RAD51B: variants seen among roughly 807,000 people sequenced by gnomAD.
RAD51B encodes the protein DNA repair protein RAD51 homolog 2.
In RAD51B, 38 loss-of-function variants were observed where a neutral mutation model predicts 42.2. The observed-to-expected ratio is 0.90, with a 90% CI of 0.70 to 1.18. The LOEUF (loss-of-function observed/expected upper bound fraction) is 1.18. Ranked by LOEUF, RAD51B falls within the 50% of genes most tolerant of loss-of-function variation. The probability of loss-of-function intolerance (pLI) is 0.00; values close to 1 mark genes in which losing one functional copy is unlikely to be tolerated. For missense variants in RAD51B, 373 were observed against 400.7 expected (o/e 0.93, Z 0.59); for synonymous variants, 154 against 145.2 (o/e 1.06, Z -0.43).
intron 10 of RAD51B, among the ~76,000 whole-genome samples, chr14:68,509,092 T>C (rs1285337982): frequency 6.6e-6 from 1 of 152,258 alleles, no homozygotes; most frequent in Admixed American, 6.5e-5. Context: ...AGGGCCCAGC[T>C]AGGGCCAGAG....
At chr14:67,931,446 G>C (rs1198737910) in intron 7 of RAD51B, among the ~76,000 whole-genome samples, 4 of 147,066 alleles carry the variant, frequency 2.7e-5, no homozygotes, top group Non-Finnish European at 4.5e-5. Context: ...AAATTCTCTT[G>C]TATCTCATTG....
At chr14:68,682,993 A>G in intron 11 of RAD51B, 1 of 986,910 alleles carries the variant, frequency 1.0e-6, no homozygotes, top group Non-Finnish European at 1.2e-6. Flanking sequence ...CAGCTCCATT[A>G]GTCACGCAGC....
chr14:68,272,359 C>T (rs180902751), intron 7 of RAD51B, among the ~76,000 whole-genome samples: 14 of 152,154 alleles, frequency 9.2e-5, no homozygotes, highest in Admixed American at 8.5e-4. Context: ...GAGAACCACA[C>T]CCACTAAGTG....
chr14:67,857,519 G>T (rs2042034905), intron 4 of RAD51B, among the ~76,000 whole-genome samples: 1 of 152,096 alleles, frequency 6.6e-6, no homozygotes, highest in Non-Finnish European at 1.5e-5. Context: ...ACATTTTCAA[G>T]GTACTTGATA....
intron 8 of RAD51B, among the ~76,000 whole-genome samples, chr14:68,311,861 C>T (rs190237157): frequency 6.6e-6 from 1 of 152,236 alleles, no homozygotes; most frequent in East Asian, 1.9e-4. Flanking sequence ...CCACTGCACT[C>T]CAGCCTGGGC....
intron 7 of RAD51B, among the ~76,000 whole-genome samples, chr14:67,914,966 C>T (rs1211315415): frequency 6.6e-6 from 1 of 152,074 alleles, no homozygotes; most frequent in Non-Finnish European, 1.5e-5. Flanking sequence ...AATAGTTTTC[C>T]AAAAGAAATA....
rs555870444 is a variant in RAD51B, at chr14:68,179,856, G to A, written c.757-112028G>A. Among the ~76,000 whole-genome samples, 4 of 152,290 alleles carry A rather than the reference G, an allele frequency of 2.6e-5. No individual in the cohort carries two copies. The East Asian group carries it at 7.7e-4, about 29-fold the overall frequency. The stretch of plus-strand genomic sequence containing the variant: ...GGGCATCACACCATAGGAGTGGTAT[G>A]CCTTACATCACATGGGAGATGTGAA... On this transcript the variant is annotated intron_variant, in intron 7 of 10. Transcript: ENST00000471583.
At chr14:68,516,025 T>C (rs973616545) in intron 10 of RAD51B, among the ~76,000 whole-genome samples, 1 of 152,056 alleles carries the variant, frequency 6.6e-6, no homozygotes, top group African/African-American at 2.4e-5. Context: ...GACCTTGTGG[T>C]CCGCCCACCT....
intron 7 of RAD51B, among the ~76,000 whole-genome samples, chr14:68,140,351 T>C (rs141286110): frequency 1.3e-4 from 20 of 152,288 alleles, no homozygotes; most frequent in Non-Finnish European, 2.5e-4. Flanking sequence ...GCAGAAGATT[T>C]GAACGTTTGG....
chr14:68,045,089 AGC>A (rs1409099980), intron 7 of RAD51B, among the ~76,000 whole-genome samples: 5 of 151,874 alleles, frequency 3.3e-5, no homozygotes, highest in African/African-American at 1.2e-4. Flanking sequence ...ATACAAAATT[AGC>A]CAGGTGTGGT....
At chr14:67,841,043 G>A (rs1357120236) in intron 4 of RAD51B, among the ~76,000 whole-genome samples, 3 of 152,162 alleles carry the variant, frequency 2.0e-5, no homozygotes, top group South Asian at 2.1e-4. Context: ...CAAGTGATCC[G>A]CCCACCTCAG....
chr14:67,844,232 T>G (rs1427735102), intron 4 of RAD51B, among the ~76,000 whole-genome samples: 1 of 146,300 alleles, frequency 6.8e-6, no homozygotes, highest in Non-Finnish European at 1.5e-5. Flanking sequence ...ATGATTGCAG[T>G]TTTTTTTTTT....
rs988710955 is a variant in RAD51B at position 68,055,476 on chromosome 14, G to A, written c.756+168272G>A. Among the ~76,000 whole-genome samples the A allele has an allele frequency of 2.6e-5, 4 of 152,064 alleles. No individual in the cohort carries two copies. The South Asian group carries it at 6.2e-4, about 24-fold the overall frequency. Reference sequence around the variant, plus strand: ...GTAACCTTTCAGAGATTAAATGAGAGCAATCATGTGATAGCAGCAGCAAAA... The same window carrying A: ...GTAACCTTTCAGAGATTAAATGAGAACAATCATGTGATAGCAGCAGCAAAA... On this transcript the variant is annotated intron_variant, in intron 7 of 10. Coordinates refer to ENST00000471583, the MANE Select transcript of RAD51B (RefSeq NM_133510.4).
At chr14:68,527,719 A>C (rs954480326) in intron 10 of RAD51B, among the ~76,000 whole-genome samples, 2 of 152,372 alleles carry the variant, frequency 1.3e-5, no homozygotes, top group South Asian at 4.1e-4. Flanking sequence ...TCAGATGTAC[A>C]ATATATGAGC....
chr14:68,409,223 C>T (rs953592816), intron 8 of RAD51B, among the ~76,000 whole-genome samples: 2 of 152,090 alleles, frequency 1.3e-5, no homozygotes, highest in Non-Finnish European at 2.9e-5. Flanking sequence ...TGCTATTGCC[C>T]TTGCAGTGTT....
chr14:68,463,663 ATAT>A (rs1274554906), intron 9 of RAD51B, among the ~76,000 whole-genome samples: 24 of 152,278 alleles, frequency 1.6e-4, no homozygotes, highest in South Asian at 4.1e-4. Flanking sequence ...CTAGTATATA[ATAT>A]TATAGAATCT....
chr14:68,302,733 C>A (rs1026375610), intron 8 of RAD51B, among the ~76,000 whole-genome samples: 7 of 152,170 alleles, frequency 4.6e-5, no homozygotes, highest in South Asian at 2.1e-4. Flanking sequence ...TTATGGGAAA[C>A]GAAGGGATGG....
At chr14:67,912,863 G>C (rs929930012) in intron 7 of RAD51B, among the ~76,000 whole-genome samples, 7 of 151,914 alleles carry the variant, frequency 4.6e-5, no homozygotes, top group Non-Finnish European at 7.4e-5. Flanking sequence ...CTGCCACCAT[G>C]CCCGGCTAAT....
chr14:67,959,019 A>G (rs1316738944), intron 7 of RAD51B, among the ~76,000 whole-genome samples: 1 of 152,076 alleles, frequency 6.6e-6, no homozygotes, highest in Admixed American at 6.6e-5. Flanking sequence ...TACTTGCCAC[A>G]TCTTCTATTG....
Sources: gnomAD v4.1 joint callset for allele counts (sites outside exome capture counted in the v4.1 genomes callset) on GRCh38, gnomAD v4.1.1 for gene constraint, MANE v1.5 for transcripts, NCBI Gene and HGNC (gene_info 2026-07-23, HGNC 2026-07-21) for gene names.